NETO1: variants seen among roughly 807,000 people sequenced by gnomAD.
NETO1 encodes neuropilin and tolloid like 1.
A neutral mutation model predicts 61.3 loss-of-function variants in NETO1; 26 were observed. The ratio of observed to expected loss-of-function variants is 0.42; its 90% CI spans 0.31 to 0.59. NETO1 has a LOEUF of 0.59. Among genes scored for constraint, NETO1 ranks in the 20% least tolerant of loss-of-function variants. The pLI, the probability that NETO1 is intolerant of heterozygous loss-of-function variation, is 0.12. For synonymous variants in NETO1, 225 were observed against 225.8 expected (o/e 1.00, Z 0.03); for missense variants, 531 against 662.8 (o/e 0.80, Z 2.18).
chr18:72,757,793 T>C (rs1477464428), intron 7 of NETO1, among the ~76,000 whole-genome samples: 1 of 152,192 alleles, frequency 6.6e-6, no homozygotes, highest in East Asian at 1.9e-4. Flanking sequence ...TAATGGCTTT[T>C]GCAGAATTGA....
chr18:72,807,296 A>C (rs1180009581), intron 4 of NETO1, among the ~76,000 whole-genome samples: 2 of 152,172 alleles, frequency 1.3e-5, no homozygotes, highest in African/African-American at 4.8e-5. Context: ...GTTTAACATA[A>C]ATTTTATTCA....
At chr18:72,855,826 A>G (rs762428644) in intron 4 of NETO1, among the ~76,000 whole-genome samples, 2 of 152,222 alleles carry the variant, frequency 1.3e-5, no homozygotes, top group African/African-American at 2.4e-5. Context: ...TGGAAGAAAC[A>G]ACCTGTGTTA....
At chr18:72,843,863 A>T (rs1257680179) in intron 4 of NETO1, among the ~76,000 whole-genome samples, 1 of 152,200 alleles carries the variant, frequency 6.6e-6, no homozygotes. Flanking sequence ...TAAAATGTAA[A>T]ATTCCAAAAT....
intron 4 of NETO1, among the ~76,000 whole-genome samples, chr18:72,828,196 A>C (rs1254454771): frequency 6.6e-6 from 1 of 152,194 alleles, no homozygotes; most frequent in Non-Finnish European, 1.5e-5. Context: ...CTGTAATCTT[A>C]GCTACTCGGG....
intron 4 of NETO1, among the ~76,000 whole-genome samples, chr18:72,824,947 AT>A (rs2145332548): frequency 1.3e-5 from 2 of 152,310 alleles, no homozygotes; most frequent in South Asian, 4.1e-4. Context: ...GTTCCTCTTG[AT>A]TTTAGAGTAA....
intron 4 of NETO1, chr18:72,835,374 A>G: frequency 6.8e-7 from 1 of 1,480,240 alleles, no homozygotes; most frequent in Non-Finnish European, 9.3e-7. Flanking sequence ...ATGATCAGGC[A>G]TGAATTGTAG....
At chr18:72,823,315 A>T (rs998770956) in intron 4 of NETO1, among the ~76,000 whole-genome samples, 4 of 152,152 alleles carry the variant, frequency 2.6e-5, no homozygotes, top group Non-Finnish European at 4.4e-5. Flanking sequence ...GCTAGGATTA[A>T]GGAGTCAGTG....
intron 4 of NETO1, among the ~76,000 whole-genome samples, chr18:72,797,131 AT>A (rs2072343437): frequency 6.6e-6 from 1 of 152,124 alleles, no homozygotes; most frequent in African/African-American, 2.4e-5. Flanking sequence ...GCTTAATTAT[AT>A]TCATAATTAA....
At chr18:72,815,037 C>T (rs1180001546) in intron 4 of NETO1, among the ~76,000 whole-genome samples, 1 of 152,066 alleles carries the variant, frequency 6.6e-6, no homozygotes, top group Non-Finnish European at 1.5e-5. Context: ...GGGATATTTA[C>T]AGTTTTAAAT....
At chr18:72,794,298 C>T in intron 5 of NETO1, 54 bp from the exon 6 acceptor site, 3 of 1,613,702 alleles carry the variant, frequency 1.9e-6, no homozygotes. Flanking sequence ...AATAATAAAC[C>T]AAAAGTGTAT....
intron 3 of NETO1, among the ~76,000 whole-genome samples, chr18:72,861,028 C>T (rs1022682605): frequency 2.0e-5 from 3 of 152,096 alleles, no homozygotes; most frequent in Admixed American, 6.5e-5. Context: ...GAAGACAGTC[C>T]TTAGCTAATT....
chr18:72,786,115 A>C (rs2071907250), intron 6 of NETO1, among the ~76,000 whole-genome samples: 1 of 152,198 alleles, frequency 6.6e-6, no homozygotes, highest in Admixed American at 6.5e-5. Flanking sequence ...TTCTTTATTG[A>C]ATTCCTTTGT....
intron 8 of NETO1, among the ~76,000 whole-genome samples, chr18:72,753,736 T>C (rs1340323138): frequency 2.6e-5 from 4 of 152,210 alleles, no homozygotes; most frequent in Non-Finnish European, 4.4e-5. Context: ...CAATGTTCTA[T>C]GTATATAATC....
At chr18:72,766,228 G>A (rs1219372219) in intron 7 of NETO1, among the ~76,000 whole-genome samples, 66 of 117,890 alleles carry the variant, frequency 5.6e-4, no homozygotes, top group Middle Eastern at 5.3e-3. Flanking sequence ...ATATGTGTGT[G>A]TGTGTGTGTG....
intron 7 of NETO1, among the ~76,000 whole-genome samples, chr18:72,762,579 G>T (rs914078972): frequency 6.6e-6 from 1 of 152,098 alleles, no homozygotes; most frequent in Non-Finnish European, 1.5e-5. Flanking sequence ...AATACGAAAT[G>T]TTAATCAAAA....
intron 7 of NETO1, among the ~76,000 whole-genome samples, chr18:72,779,440 C>G (rs548818020): frequency 2.4e-4 from 36 of 152,118 alleles, no homozygotes; most frequent in African/African-American, 7.9e-4. Flanking sequence ...AGCCAAAATT[C>G]TCCCTCAGCC....
intron 4 of NETO1, among the ~76,000 whole-genome samples, chr18:72,820,059 C>T (rs2073143017): frequency 6.6e-6 from 1 of 151,950 alleles, no homozygotes; most frequent in Admixed American, 6.6e-5. Flanking sequence ...TGCTTTTGTA[C>T]CTAAAAGAAA....
chr18:72,818,495 C>T (rs375473436), intron 4 of NETO1, among the ~76,000 whole-genome samples: 52 of 152,256 alleles, frequency 3.4e-4, no homozygotes, highest in African/African-American at 1.2e-3. Flanking sequence ...GTGTAGAAGC[C>T]TGTCATATGC....
At chr18:72,862,243 C>T (rs2074595757) in intron 3 of NETO1, among the ~76,000 whole-genome samples, 1 of 152,156 alleles carries the variant, frequency 6.6e-6, no homozygotes, top group Admixed American at 6.5e-5. Context: ...ATCAGAATTC[C>T]TGGGGAAAGG....
Sources: allele counts gnomAD v4.1 joint callset (sites outside exome capture counted in the v4.1 genomes callset), GRCh38; gene constraint gnomAD v4.1.1; transcripts MANE v1.5; gene names NCBI Gene and HGNC (gene_info 2026-07-23, HGNC 2026-07-21).